Variants in BCL9 observed in about 807,000 individuals in gnomAD.
The protein encoded by BCL9 is BCL9 transcription coactivator, also known as B-cell CLL/lymphoma 9 protein.
Under a neutral mutation model 88.5 loss-of-function variants are expected in BCL9, and 25 were observed. The observed-to-expected ratio is 0.28, with a 90% confidence interval of 0.21 to 0.39. The LOEUF (loss-of-function observed/expected upper bound fraction) is 0.39, where lower values mean the gene tolerates loss of function less well. BCL9 is among the 10% of genes least tolerant of loss of function. The probability of loss-of-function intolerance (pLI) is 1.00; values close to 1 mark genes in which losing one functional copy is unlikely to be tolerated. For synonymous variants in BCL9, 711 were observed against 673.3 expected (o/e 1.06, Z -0.87); for missense variants, 1,817 against 1,877.8 (o/e 0.97, Z 0.60).
chr1:147,606,638 A>G (rs781850745), intron 2 of BCL9, 146 bp from the exon 3 acceptor site: 15 of 152,210 alleles, frequency 9.9e-5, no homozygotes, highest in Non-Finnish European at 1.8e-4. Flanking sequence ...AGTTGATTCT[A>G]TTTGTGTGGG....
intron 1 of BCL9, among the ~76,000 whole-genome samples, chr1:147,599,176 C>A (rs1225280648): frequency 6.6e-6 from 1 of 152,236 alleles, no homozygotes; most frequent in Non-Finnish European, 1.5e-5. Context: ...CCCCTGCACC[C>A]CCGGCGCATC....
intron 1 of BCL9, among the ~76,000 whole-genome samples, chr1:147,551,308 CAA>C (rs1557819340): frequency 6.6e-6 from 1 of 152,092 alleles, no homozygotes; most frequent in Admixed American, 6.5e-5. Flanking sequence ...AAAGGATTTC[CAA>C]AGTCATATAA....
chr1:147,569,778 C>T (rs587774883), intron 1 of BCL9, among the ~76,000 whole-genome samples: 61 of 152,150 alleles, frequency 4.0e-4, no homozygotes, highest in African/African-American at 1.3e-3. Flanking sequence ...TGATCAGGGC[C>T]GATGGCAGTG....
chr1:147,599,403 T>A (rs1338251274), intron 1 of BCL9, among the ~76,000 whole-genome samples: 2 of 150,812 alleles, frequency 1.3e-5, no homozygotes, highest in Non-Finnish European at 2.9e-5. Flanking sequence ...CAGGGAAGAG[T>A]GAGGGAAAGA....
At position 147,622,495 on chromosome 1, in the gene BCL9, C is replaced by T. The variant is rs148150708; in HGVS notation, c.3127C>T (p.Arg1043Cys). Residue 1043 changes from arginine (R) to cysteine (C), a missense_variant, in exon 9 of 10, where the codon CGT (arginine) becomes TGT (cysteine). By Grantham distance (180) the Arg-to-Cys change is radical. This residue lies in a region of BCL9 where 589 missense variants were observed against 686.2 expected (regional missense o/e 0.86). Coordinates refer to ENST00000234739, the MANE Select transcript of BCL9 (RefSeq NM_004326.4). ...CTCAGATGACGACTCCCCTCCAGCT[C>T]GTTCTCCCAACTTGCCATCAATGAA... ...ASSDDDSPPA[R>C]SPNLPSMNNM... 9.9e-6 allele frequency: 16 copies of T among 1,614,164 alleles called. No individual in the cohort carries two copies. The highest frequency in any genetic ancestry group is 8.0e-5 in the African/African-American group (6 of 75,026).
intron 8 of BCL9, 115 bp downstream of exon 8, chr1:147,621,172 T>G: frequency 2.5e-6 from 3 of 1,181,878 alleles, no homozygotes; most frequent in Non-Finnish European, 3.5e-6. Context: ...CAGTCTTTGT[T>G]GAAATGGCCA....
chr1:147,614,339 C>A, intron 5 of BCL9, 88 bp from the exon 6 acceptor site: 1 of 1,321,826 alleles, frequency 7.6e-7, no homozygotes, highest in South Asian at 1.4e-5. Flanking sequence ...TTGAAATTCT[C>A]AAGGTGGGTT....
At chr1:147,606,049 A>G (rs964391680) in intron 2 of BCL9, among the ~76,000 whole-genome samples, 7 of 152,190 alleles carry the variant, frequency 4.6e-5, no homozygotes, top group Non-Finnish European at 8.8e-5. Context: ...TAGCCCTAAG[A>G]CAGTCTGCAA....
At chr1:147,549,729 A>G (rs1297303064) in intron 1 of BCL9, among the ~76,000 whole-genome samples, 2 of 152,240 alleles carry the variant, frequency 1.3e-5, no homozygotes, top group African/African-American at 2.4e-5. Context: ...ATGCTCACAG[A>G]TAGAGCCTGC....
chr1:147,568,235 G>C (rs1333876791), intron 1 of BCL9, among the ~76,000 whole-genome samples: 1 of 152,184 alleles, frequency 6.6e-6, no homozygotes, highest in Non-Finnish European at 1.5e-5. Context: ...ATTGTGGTCA[G>C]ATCATCTCCT....
intron 1 of BCL9, among the ~76,000 whole-genome samples, chr1:147,546,311 C>T (rs1654590152): frequency 6.6e-6 from 1 of 151,422 alleles, no homozygotes. Context: ...GTACTCCAGC[C>T]TGGGTGACAG....
At chr1:147,617,672 AATT>A (rs1553204046) in intron 7 of BCL9, among the ~76,000 whole-genome samples, 2 of 152,236 alleles carry the variant, frequency 1.3e-5, no homozygotes, top group African/African-American at 2.4e-5. Context: ...AGATACACGT[AATT>A]ATTTGTTTAC....
chr1:147,590,451 C>T (rs1553199761), intron 1 of BCL9, among the ~76,000 whole-genome samples: 1 of 152,220 alleles, frequency 6.6e-6, no homozygotes, highest in Admixed American at 6.5e-5. Context: ...TCTGGCTTCT[C>T]TCCTGGCTTC....
Position 147,611,893 on chromosome 1 carries a change from A to G in BCL9, c.53+4A>G. 1 of 1,613,958 alleles carries G rather than the reference A, an allele frequency of 6.2e-7. No individual in the cohort carries two copies. The highest frequency in any genetic ancestry group is 8.5e-7 in the Non-Finnish European group (1 of 1,179,800). On this transcript the variant is annotated splice_donor_region_variant and intron_variant, in intron 4 of 9. Transcript: ENST00000234739. ...CTCCATCAGGAAACACACAGAGGTA[A>G]GGGCTGGGCTGGGGCCTCTTCCTGC...
Position 147,622,425 on chromosome 1 carries a change from C to T in BCL9, c.3057C>T (p.Pro1019=). 1 of 1,614,164 alleles carries T rather than the reference C, an allele frequency of 6.2e-7. No homozygotes were observed. The highest frequency in any genetic ancestry group is 2.2e-5 in the East Asian group (1 of 44,878). Residue 1019 remains proline, a synonymous_variant, in exon 9 of 10, where the codon CCC becomes CCT. Transcript: ENST00000234739. ...MMSRMSKFAM[P]SSTPLYHDAI... is the part of the protein sequence containing the mutation. ...CTCGAATGTCCAAGTTTGCAATGCC[C>T]AGTTCCACCCCGTTATACCATGATG...
chr1:147,564,206 G>A (rs1235742589), intron 1 of BCL9, among the ~76,000 whole-genome samples: 2 of 152,110 alleles, frequency 1.3e-5, no homozygotes, highest in African/African-American at 4.8e-5. Flanking sequence ...GGATTGTTCT[G>A]TTGAGTGCAA....
chr1:147,599,779 G>A (rs1657256615), intron 1 of BCL9, among the ~76,000 whole-genome samples: 1 of 152,058 alleles, frequency 6.6e-6, no homozygotes, highest in South Asian at 2.1e-4. Flanking sequence ...AATATCGGGG[G>A]CGGGGCGGCG....
chr1:147,618,760 T>G, intron 7 of BCL9, 56 bp from the exon 8 acceptor site: 1 of 1,428,958 alleles, frequency 7.0e-7, no homozygotes, highest in African/African-American at 1.4e-5. Flanking sequence ...CTTGCTCTTT[T>G]AATTGCCCTT....
At chr1:147,593,473 C>T (rs962777175) in intron 1 of BCL9, among the ~76,000 whole-genome samples, 4 of 152,116 alleles carry the variant, frequency 2.6e-5, no homozygotes, top group African/African-American at 7.2e-5. Context: ...GAACTAGATA[C>T]CTCTCTTCTG....
Sources: allele counts gnomAD v4.1 joint callset (sites outside exome capture counted in the v4.1 genomes callset), GRCh38; gene constraint gnomAD v4.1.1; regional missense constraint gnomAD v4.1.1; transcripts MANE v1.5; gene names NCBI Gene and HGNC (gene_info 2026-07-23, HGNC 2026-07-21).